The following RUNX1T1 variants were observed in gnomAD, a reference collection of about 807,000 sequenced individuals.
The protein encoded by RUNX1T1 is protein CBFA2T1.
RUNX1T1 carries 4 observed loss-of-function variants against 62.8 expected under a neutral mutation model. The observed-to-expected ratio is 0.06, with a 90% CI of 0.03 to 0.15. The LOEUF (loss-of-function observed/expected upper bound fraction) is 0.15. Among genes scored for constraint, RUNX1T1 ranks in the 10% least tolerant of loss-of-function variants. The pLI, the probability that RUNX1T1 is intolerant of heterozygous loss-of-function variation, is 1.00. For synonymous variants in RUNX1T1, 291 were observed against 286.0 expected (o/e 1.02, Z -0.18); for missense variants, 508 against 754.3 (o/e 0.67, Z 3.82).
upstream of RUNX1T1, among the ~76,000 whole-genome samples, chr8:92,102,553 G>A (rs1177078438): frequency 6.6e-6 from 1 of 152,096 alleles, no homozygotes; most frequent in South Asian, 2.1e-4. This position sits in a 1 kb window ranked among gnomAD's most constrained non-coding sequence, Gnocchi z 4.5. Context: ...CTTCCTGCTC[G>A]CATACCGTGA....
intron 1 of RUNX1T1, among the ~76,000 whole-genome samples, chr8:92,027,500 T>A (rs1825440976): frequency 6.6e-6 from 1 of 152,218 alleles, no homozygotes; most frequent in African/African-American, 2.4e-5. Context: ...TTTCAGTTGC[T>A]TTATATGCTG....
chr8:92,076,231 TTGTTA>T (rs1335292121), intron 1 of RUNX1T1, 94 bp from the exon 2 acceptor site: 16 of 940,124 alleles, frequency 1.7e-5, no homozygotes, highest in Middle Eastern at 2.4e-4. Context: ...TAGGCCAGTT[TTGTTA>T]TGTTTTGTTT....
chr8:92,102,207 C>T (rs1218768908), upstream of RUNX1T1, among the ~76,000 whole-genome samples: 1 of 152,152 alleles, frequency 6.6e-6, no homozygotes, highest in Non-Finnish European at 1.5e-5. The surrounding 1 kb of genome is among the most constrained non-coding windows in gnomAD (Gnocchi z 4.5). Context: ...CCGCCGTCCG[C>T]CCGCTCACCC....
intron 1 of RUNX1T1, among the ~76,000 whole-genome samples, chr8:92,085,103 T>C (rs1465439187): frequency 1.3e-5 from 2 of 152,196 alleles, no homozygotes; most frequent in Non-Finnish European, 2.9e-5. Context: ...AAATTATTTC[T>C]AGATGAAAAG....
chr8:91,957,913 A>G (rs1328221242), downstream of RUNX1T1: 3 of 221,910 alleles, frequency 1.4e-5, no homozygotes, highest in African/African-American at 6.7e-5. Flanking sequence ...TAAACTAAAA[A>G]GTCATTTAAA....
At chr8:91,996,962 G>GA (rs34308214) in intron 5 of RUNX1T1, among the ~76,000 whole-genome samples, 28,852 of 133,046 alleles carry the variant, frequency 0.22, 3,010 homozygotes, top group Middle Eastern at 0.28. Flanking sequence ...TCTCTACTAA[G>GA]AAAAAAAAAA....
At chr8:92,015,237 G>A (rs1822760974) in intron 2 of RUNX1T1, among the ~76,000 whole-genome samples, 1 of 152,188 alleles carries the variant, frequency 6.6e-6, no homozygotes, top group South Asian at 2.1e-4. Flanking sequence ...ATTTGGTGGA[G>A]ACTAAATTTA....
intron 3 of RUNX1T1, 147 bp downstream of exon 4, chr8:92,014,432 C>A: frequency 2.6e-6 from 2 of 757,932 alleles, no homozygotes; most frequent in Admixed American, 3.1e-5. Context: ...AAGACTGTCA[C>A]TATAGCATGA....
At chr8:91,988,804 C>A (rs1817078042) in intron 6 of RUNX1T1, among the ~76,000 whole-genome samples, 1 of 151,976 alleles carries the variant, frequency 6.6e-6, no homozygotes, top group South Asian at 2.1e-4. Flanking sequence ...ATATTAAGTG[C>A]ATTAGAAACA....
chr8:91,968,379 G>A (rs1812083324), intron 10 of RUNX1T1, among the ~76,000 whole-genome samples: 1 of 152,152 alleles, frequency 6.6e-6, no homozygotes, highest in East Asian at 1.9e-4. Context: ...AGGTTACAGT[G>A]CACTCTCCGG....
intron 6 of RUNX1T1, among the ~76,000 whole-genome samples, chr8:91,991,415 G>C (rs1489189278): frequency 2.6e-4 from 40 of 152,104 alleles, no homozygotes; most frequent in Non-Finnish European, 5.9e-5. Flanking sequence ...AAGAAATTTA[G>C]TGTACTGTCT....
At chr8:91,988,648 C>G (rs1400285802) in intron 6 of RUNX1T1, among the ~76,000 whole-genome samples, 1 of 151,974 alleles carries the variant, frequency 6.6e-6, no homozygotes, top group Non-Finnish European at 1.5e-5. Context: ...CCAGAGGTCT[C>G]AAAAGCTTGA....
intron 1 of RUNX1T1, among the ~76,000 whole-genome samples, chr8:92,033,323 C>T (rs1204741049): frequency 6.6e-6 from 1 of 152,130 alleles, no homozygotes; most frequent in African/African-American, 2.4e-5. Flanking sequence ...AGTTACAAAG[C>T]AGTATGTTTT....
At position 91,965,399 on chromosome 8, in the gene RUNX1T1, T is replaced by C. The variant is rs530691835; in HGVS notation, c.1459-4882A>G. Among the ~76,000 whole-genome samples, 174 of 152,312 alleles carry C rather than the reference T, an allele frequency of 1.1e-3. 2 individuals carry two copies. The highest frequency in any genetic ancestry group is 4.0e-3 in the African/African-American group (168 of 41,576). On this transcript the variant is annotated intron_variant, in intron 10 of 10. Coordinates refer to ENST00000396218, the Ensembl canonical transcript of RUNX1T1. ...TACAATAACTTCTTCTGCTGTTTGTTCTTTTCCCTGTAGTTGACAGTGAGG... is the reference window on the plus strand; with the variant it reads ...TACAATAACTTCTTCTGCTGTTTGTCCTTTTCCCTGTAGTTGACAGTGAGG...
intron 1 of RUNX1T1, among the ~76,000 whole-genome samples, chr8:92,031,379 A>G (rs1826199513): frequency 6.6e-6 from 1 of 152,210 alleles, no homozygotes; most frequent in Admixed American, 6.5e-5. Context: ...AAATGTTTTA[A>G]AAGTTAATCT....
exon 11 of RUNX1T1, chr8:91,959,449 T>TGC (rs2130388056): frequency 8.4e-6 from 1 of 118,676 alleles, no homozygotes; most frequent in East Asian, 1.1e-4. Flanking sequence ...TGTGTGTGTG[T>TGC]GTGTGTGTGT....
chr8:91,966,879 T>A lies in RUNX1T1; in HGVS notation c.1458+3779A>T, dbSNP rs540069334. 2.0e-5 allele frequency among the ~76,000 whole-genome samples: 3 copies of A among 152,070 alleles called. 1 individual carries two copies. In the South Asian group the frequency reaches 6.2e-4, roughly 32 times the overall value. ...AAGTTTGAGAACTAGGTAGAAATAATCATGAAGTCCAGTGAAAAATAGATA... is the reference window on the plus strand; with the variant it reads ...AAGTTTGAGAACTAGGTAGAAATAAACATGAAGTCCAGTGAAAAATAGATA... On this transcript the variant is annotated intron_variant, in intron 10 of 10. Coordinates refer to ENST00000396218, the Ensembl canonical transcript of RUNX1T1.
intron 6 of RUNX1T1, among the ~76,000 whole-genome samples, chr8:91,989,120 A>G (rs1484600774): frequency 6.6e-6 from 1 of 152,158 alleles, no homozygotes; most frequent in African/African-American, 2.4e-5. Flanking sequence ...TTGTTTTAGA[A>G]TATTTTAACT....
chr8:92,054,684 A>G (rs909481293), intron 1 of RUNX1T1, among the ~76,000 whole-genome samples: 2 of 152,202 alleles, frequency 1.3e-5, no homozygotes, highest in Admixed American at 6.5e-5. Context: ...TATAAACCCA[A>G]GTCACAAAGC....
Sources: allele counts gnomAD v4.1 joint callset (sites outside exome capture counted in the v4.1 genomes callset), GRCh38; gene constraint gnomAD v4.1.1; non-coding constraint Gnocchi (gnomAD v3.1); transcripts MANE v1.5; gene names NCBI Gene and HGNC (gene_info 2026-07-23, HGNC 2026-07-21).